Variants in KIF26B observed in about 807,000 individuals in gnomAD.
KIF26B encodes the protein kinesin-like protein KIF26B.
A neutral mutation model predicts 151.2 loss-of-function variants in KIF26B; 63 were observed. The observed-to-expected ratio is 0.42, with a 90% CI of 0.34 to 0.51. The LOEUF (loss-of-function observed/expected upper bound fraction) is 0.51, where lower values mean the gene tolerates loss of function less well. Among genes scored for constraint, KIF26B ranks in the 20% least tolerant of loss-of-function variants. The pLI, the probability that KIF26B is intolerant of heterozygous loss-of-function variation, is 0.07. For missense variants in KIF26B, 2,813 were observed against 2,913.6 expected (o/e 0.97, Z 0.79); for synonymous variants, 1,357 against 1,262.1 (o/e 1.08, Z -1.59).
At position 245,602,713 on chromosome 1, in the gene KIF26B, A is replaced by C. The variant is rs61831269; in HGVS notation, c.1487A>C (p.Gln496Pro). Residue 496 changes from glutamine to proline, a missense_variant, in exon 6 of 15, where the codon CAA becomes CCA. By Grantham distance (76) the Gln-to-Pro change is moderately conservative. This residue lies in a region of KIF26B where 676 missense variants were observed against 688.1 expected (regional missense o/e 0.98). Transcript: ENST00000407071. The surrounding 1 kb of genome is among the most constrained non-coding windows in gnomAD (Gnocchi z 4.5). Reference sequence around the variant, plus strand: ...ACTTGTGGAGGTCAAAATGCCTTCCAAAAGAGAGGCAACCAGGTTCCTCCA... The same window carrying C: ...ACTTGTGGAGGTCAAAATGCCTTCCCAAAGAGAGGCAACCAGGTTCCTCCA... ...PLTCGGQNAF[Q>P]KRGNQVPPKM... 1 of 1,614,078 alleles carries C rather than the reference A, an allele frequency of 6.2e-7. No individual in the cohort carries two copies. Among genetic ancestry groups the C allele is most frequent in the East Asian group, 2.2e-5 (1 of 44,892 alleles).
chr1:245,455,248 G>A lies in KIF26B; in HGVS notation c.1166+35503G>A, dbSNP rs547894425. On this transcript the variant is annotated intron_variant, in intron 4 of 14. Transcript: ENST00000407071. ...AGGCCGGGCATGGTGGCTCACGCCCGTAATCCGAGCACTTTGGGAGGCTGA... is the reference window on the plus strand; with the variant it reads ...AGGCCGGGCATGGTGGCTCACGCCCATAATCCGAGCACTTTGGGAGGCTGA... 5.0e-3 allele frequency among the ~76,000 whole-genome samples: 766 copies of A among 152,264 alleles called. 2 individuals carry two copies. The highest frequency in any genetic ancestry group is 8.0e-3 in the Non-Finnish European group (543 of 68,028).
intron 3 of KIF26B, among the ~76,000 whole-genome samples, chr1:245,383,114 A>G (rs564969397): frequency 1.4e-4 from 22 of 151,876 alleles, no homozygotes; most frequent in Non-Finnish European, 1.3e-4. Flanking sequence ...CAACCCACAC[A>G]GATTACTCAC....
rs574038369 is a variant in KIF26B at position 245,540,573 on chromosome 1, G to C, written c.1167-194G>C. ...TTATGGCTTTGTTTTTCCTTTTGTC[G>C]TATAAATGATTGGGTAGCTCGTTAA... On this transcript the variant is annotated intron_variant, in intron 4 of 14. Transcript: ENST00000407071. This position sits in a 1 kb window ranked among gnomAD's most constrained non-coding sequence, Gnocchi z 4.6. 1.4e-6 allele frequency: 1 copy of C among 715,510 alleles called. No homozygotes were observed. Among genetic ancestry groups the C allele is most frequent in the Non-Finnish European group, 2.6e-6 (1 of 389,182 alleles). The allele number at this position is 715,510 out of a possible 1,614,324, so 44.3% of individuals were successfully genotyped here.
intron 3 of KIF26B, among the ~76,000 whole-genome samples, chr1:245,368,586 C>T (rs1673019355): frequency 6.6e-6 from 1 of 151,824 alleles, no homozygotes; most frequent in Non-Finnish European, 1.5e-5. Flanking sequence ...GACTAGAGAC[C>T]TCAGGTTATT....
chr1:245,675,180 G>T (rs772950038), intron 10 of KIF26B, among the ~76,000 whole-genome samples: 1 of 152,194 alleles, frequency 6.6e-6, no homozygotes, highest in East Asian at 1.9e-4. Context: ...TACCTTCCCG[G>T]CATCCGTGTG....
At chr1:245,522,978 C>CG (rs1404857284) in intron 4 of KIF26B, among the ~76,000 whole-genome samples, 1 of 152,248 alleles carries the variant, frequency 6.6e-6, no homozygotes, top group East Asian at 1.9e-4. Context: ...CAAACACCTA[C>CG]CAGGTGTTTA....
In KIF26B at chr1:245,476,150, G is replaced by A. The variant is rs775794020; in HGVS notation, c.1166+56405G>A. 2.4e-4 allele frequency among the ~76,000 whole-genome samples: 37 copies of A among 151,988 alleles called. 1 individual carries two copies. The highest frequency in any genetic ancestry group is 6.8e-3 in the Middle Eastern group (2 of 294). On this transcript the variant is annotated intron_variant, in intron 4 of 14. Coordinates refer to ENST00000407071, the MANE Select transcript of KIF26B (RefSeq NM_018012.4). ...ACGTTCTGGTAGCTGAAATAAGCCA[G>A]ATACAAAAGGCCACATATAGTAAAC... is the stretch of plus-strand genomic sequence containing the variant.
At chr1:245,293,210 GT>G (rs1373828612) in intron 2 of KIF26B, among the ~76,000 whole-genome samples, 1 of 152,110 alleles carries the variant, frequency 6.6e-6, no homozygotes, top group East Asian at 1.9e-4. Context: ...TGTCTCTTTT[GT>G]TTTGTTTTTG....
In KIF26B at chr1:245,516,197, A is replaced by G. The variant is rs528492773; in HGVS notation, c.1167-24570A>G. Among the ~76,000 whole-genome samples the G allele has an allele frequency of 1.1e-3, 167 of 152,292 alleles. 1 individual carries two copies. Among genetic ancestry groups the G allele is most frequent in the African/African-American group, 3.5e-3 (145 of 41,558 alleles). ...CATATCTGGATTTATCCTTTTTATCAGCAGAATGGTACATTTCCCATAGCA... is the reference window on the plus strand; with the variant it reads ...CATATCTGGATTTATCCTTTTTATCGGCAGAATGGTACATTTCCCATAGCA... On this transcript the variant is annotated intron_variant, in intron 4 of 14. Coordinates refer to ENST00000407071, the MANE Select transcript of KIF26B (RefSeq NM_018012.4). This position sits in a 1 kb window ranked among gnomAD's most constrained non-coding sequence, Gnocchi z 4.2.
At chr1:245,463,565 G>C (rs1172886403) in intron 4 of KIF26B, among the ~76,000 whole-genome samples, 8 of 152,172 alleles carry the variant, frequency 5.3e-5, no homozygotes. Flanking sequence ...AAGTGCAGAG[G>C]TCAGCTCCGC....
At chr1:245,640,147 A>ATC (rs2043877006) in intron 9 of KIF26B, among the ~76,000 whole-genome samples, 1 of 20,524 alleles carries the variant, frequency 4.9e-5, no homozygotes, top group Non-Finnish European at 9.4e-5. Context: ...CTCTCTCTAT[A>ATC]TATATATATA....
intron 5 of KIF26B, among the ~76,000 whole-genome samples, chr1:245,581,663 A>G: frequency 6.6e-6 from 1 of 152,212 alleles, no homozygotes; most frequent in African/African-American, 2.4e-5. Context: ...TTAAATGGGG[A>G]GGGAGGAGGT....
intron 8 of KIF26B, among the ~76,000 whole-genome samples, chr1:245,611,035 G>A (rs1267590609): frequency 1.3e-5 from 2 of 152,178 alleles, no homozygotes; most frequent in Non-Finnish European, 2.9e-5. Flanking sequence ...TGTGATCGTT[G>A]TGATTCAGGT....
At chr1:245,443,263 AGGTCATCTCCCTCACTGTTCACCCTGC>A (rs1177218997) in intron 4 of KIF26B, among the ~76,000 whole-genome samples, 11 of 138,916 alleles carry the variant, frequency 7.9e-5, no homozygotes, top group Admixed American at 2.9e-4. Flanking sequence ...CTTAGAGGAG[AGGTCATCTCCCTCACTGTTCACCCTGC>A]GGTCATCTCC....
intron 4 of KIF26B, among the ~76,000 whole-genome samples, chr1:245,503,088 G>T (rs894842227): frequency 5.9e-5 from 9 of 152,036 alleles, no homozygotes; most frequent in Admixed American, 5.9e-4. Flanking sequence ...TTGAACTCCC[G>T]ACCTCAGGTG....
At chr1:245,544,696 G>C (rs983371656) in intron 5 of KIF26B, among the ~76,000 whole-genome samples, 8 of 152,184 alleles carry the variant, frequency 5.3e-5, no homozygotes, top group African/African-American at 1.9e-4. Flanking sequence ...GTGGAGACAA[G>C]AGTGTCATGG....
intron 2 of KIF26B, among the ~76,000 whole-genome samples, chr1:245,327,167 G>A (rs1159544870): frequency 6.6e-6 from 1 of 152,198 alleles, no homozygotes; most frequent in Non-Finnish European, 1.5e-5. Flanking sequence ...GCTTTGGAAG[G>A]CACCCAGGCA....
chr1:245,519,497 T>C (rs1661039747), intron 4 of KIF26B, among the ~76,000 whole-genome samples: 1 of 151,346 alleles, frequency 6.6e-6, no homozygotes, highest in South Asian at 2.1e-4. Flanking sequence ...GAGGCTGCAG[T>C]GAGTCGAGGT....
At chr1:245,619,645 G>A (rs1266316865) in intron 9 of KIF26B, among the ~76,000 whole-genome samples, 1 of 151,076 alleles carries the variant, frequency 6.6e-6, no homozygotes, top group Non-Finnish European at 1.5e-5. Context: ...TGGGCGTGGT[G>A]GCTCACACTG....
Sources: gnomAD v4.1 joint callset for allele counts (sites outside exome capture counted in the v4.1 genomes callset) on GRCh38, gnomAD v4.1.1 for gene constraint, gnomAD v4.1.1 regional missense constraint, Gnocchi (gnomAD v3.1) non-coding constraint, MANE v1.5 for transcripts, NCBI Gene and HGNC (gene_info 2026-07-23, HGNC 2026-07-21) for gene names.